The following CDH13 variants were observed in gnomAD, a reference collection of about 807,000 sequenced individuals.
CDH13 encodes the protein cadherin-13.
Under a neutral mutation model 63.8 loss-of-function variants are expected in CDH13, and 24 were observed. The observed-to-expected ratio is 0.38, with a 90% CI of 0.27 to 0.53. The LOEUF (loss-of-function observed/expected upper bound fraction) is 0.53, where lower values mean the gene tolerates loss of function less well. Among genes scored for constraint, CDH13 ranks in the 20% least tolerant of loss-of-function variants. The pLI is 0.85. For synonymous variants in CDH13, 503 were observed against 355.3 expected (o/e 1.42, Z -4.67); for missense variants, 1,049 against 903.1 (o/e 1.16, Z -2.07).
intron 1 of CDH13, among the ~76,000 whole-genome samples, chr16:82,725,220 C>A (rs531030685): frequency 9.0e-4 from 137 of 152,232 alleles, no homozygotes; most frequent in African/African-American, 3.2e-3. Context: ...TGCTGTTTCC[C>A]TCATTGCAAA....
At chr16:83,207,519 C>G (rs1009406940) in intron 4 of CDH13, among the ~76,000 whole-genome samples, 1 of 152,128 alleles carries the variant, frequency 6.6e-6, no homozygotes, top group African/African-American at 2.4e-5. Flanking sequence ...TTTTTTAAAT[C>G]CATTCATCTG....
At chr16:83,698,111 C>A (rs1057378477) in intron 10 of CDH13, among the ~76,000 whole-genome samples, 1 of 152,314 alleles carries the variant, frequency 6.6e-6, no homozygotes. Context: ...GCACTCAATA[C>A]ATGTTTGTTA....
chr16:83,425,331 C>G (rs2071858518), intron 6 of CDH13, among the ~76,000 whole-genome samples: 1 of 152,204 alleles, frequency 6.6e-6, no homozygotes, highest in African/African-American at 2.4e-5. Flanking sequence ...GGTCATTTGG[C>G]TCTTGCCTGA....
At chr16:82,675,104 GTC>G (rs1175998629) in intron 1 of CDH13, among the ~76,000 whole-genome samples, 1 of 146,890 alleles carries the variant, frequency 6.8e-6, no homozygotes, top group African/African-American at 2.5e-5. Context: ...CATTTTAGCT[GTC>G]TTAATAATTT....
At chr16:83,314,666 A>C (rs2090069780) in intron 5 of CDH13, among the ~76,000 whole-genome samples, 1 of 152,178 alleles carries the variant, frequency 6.6e-6, no homozygotes. Context: ...AGAAAAGAAA[A>C]TGGCGGTGTT....
chr16:83,712,182 A>T (rs1376287870), intron 10 of CDH13, among the ~76,000 whole-genome samples: 1 of 152,192 alleles, frequency 6.6e-6, no homozygotes, highest in African/African-American at 2.4e-5. Context: ...ATCCACATAT[A>T]TATTTGGGGA....
intron 6 of CDH13, among the ~76,000 whole-genome samples, chr16:83,378,930 T>C (rs1374843567): frequency 6.6e-6 from 1 of 152,086 alleles, no homozygotes; most frequent in Non-Finnish European, 1.5e-5. Context: ...TAAGTGCATA[T>C]TTCTTATAAT....
chr16:82,697,371 A>G (rs1442984853), intron 1 of CDH13, among the ~76,000 whole-genome samples: 2 of 144,204 alleles, frequency 1.4e-5, no homozygotes, highest in Non-Finnish European at 3.0e-5. Flanking sequence ...ACCCCAGACT[A>G]TCCTCCAACA....
At chr16:82,664,729 G>T (rs953171822) in intron 1 of CDH13, among the ~76,000 whole-genome samples, 1 of 152,150 alleles carries the variant, frequency 6.6e-6, no homozygotes, top group African/African-American at 2.4e-5. Context: ...CACTTTACTG[G>T]TTTGGTATGT....
At chr16:83,035,889 C>T (rs1180242623) in intron 3 of CDH13, among the ~76,000 whole-genome samples, 2 of 152,162 alleles carry the variant, frequency 1.3e-5, no homozygotes, top group African/African-American at 2.4e-5. Context: ...TCAGCTGATG[C>T]TACAGCAATG....
At chr16:83,281,303 T>C (rs2089166871) in intron 5 of CDH13, among the ~76,000 whole-genome samples, 1 of 152,220 alleles carries the variant, frequency 6.6e-6, no homozygotes, top group African/African-American at 2.4e-5. Context: ...CCAACCTCCG[T>C]TAGGTTCAGA....
In CDH13 at chr16:83,531,525, C is replaced by T. The variant is rs531207691; in HGVS notation, c.960+44870C>T. ...GCACAAGCCCTCTTCTCTTCTCTGC[C>T]GCCATGTGAGACATGCCTTTCACTT... On this transcript the variant is annotated intron_variant, in intron 7 of 13. Coordinates refer to ENST00000567109, the MANE Select transcript of CDH13 (RefSeq NM_001257.5). Among the ~76,000 whole-genome samples, 12 of 152,288 alleles carry T rather than the reference C, an allele frequency of 7.9e-5. No homozygotes were observed. The South Asian group carries it at 1.7e-3, about 21-fold the overall frequency.
At chr16:82,847,936 C>G (rs1027424550) in intron 1 of CDH13, among the ~76,000 whole-genome samples, 3 of 139,754 alleles carry the variant, frequency 2.1e-5, no homozygotes, top group African/African-American at 5.3e-5. Flanking sequence ...GTATGTTTTA[C>G]AAATTGAAGA....
chr16:83,760,964 C>A (rs994226804), intron 11 of CDH13, among the ~76,000 whole-genome samples: 2 of 152,172 alleles, frequency 1.3e-5, no homozygotes, highest in South Asian at 4.1e-4. Context: ...ACATAAGGAA[C>A]AAAGCAAAGC....
chr16:83,280,308 C>G (rs2089131453), intron 5 of CDH13, among the ~76,000 whole-genome samples: 1 of 152,184 alleles, frequency 6.6e-6, no homozygotes, highest in Non-Finnish European at 1.5e-5. Context: ...TTCATAGTAG[C>G]TTTACCAGGA....
chr16:82,709,043 G>T (rs763323722), intron 1 of CDH13, among the ~76,000 whole-genome samples: 1 of 152,226 alleles, frequency 6.6e-6, no homozygotes, highest in Non-Finnish European at 1.5e-5. Flanking sequence ...CCAAGGGTAA[G>T]AATCAGAGTG....
At chr16:82,693,510 A>T (rs979985650) in intron 1 of CDH13, among the ~76,000 whole-genome samples, 1 of 152,034 alleles carries the variant, frequency 6.6e-6, no homozygotes, top group Non-Finnish European at 1.5e-5. Flanking sequence ...ACATTTAGTT[A>T]CTCGCTCTCC....
chr16:83,487,257 G>C (rs2073910685), intron 7 of CDH13, among the ~76,000 whole-genome samples: 1 of 152,232 alleles, frequency 6.6e-6, no homozygotes, highest in Non-Finnish European at 1.5e-5. Flanking sequence ...TTTGCCTGCA[G>C]TGTTTTACAG....
intron 2 of CDH13, chr16:83,022,916 G>A (rs1004073481): frequency 6.6e-6 from 1 of 152,132 alleles, no homozygotes; most frequent in African/African-American, 2.4e-5. Flanking sequence ...CTGCAAGCAG[G>A]ACTGTTCTAT....
Sources: gnomAD v4.1 joint callset for allele counts (sites outside exome capture counted in the v4.1 genomes callset) on GRCh38, gnomAD v4.1.1 for gene constraint, MANE v1.5 for transcripts, NCBI Gene and HGNC (gene_info 2026-07-23, HGNC 2026-07-21) for gene names.